The following ROBO2 variants were observed in gnomAD, a reference collection of about 807,000 sequenced individuals.
ROBO2 encodes the protein roundabout guidance receptor 2.
ROBO2 carries 53 observed loss-of-function variants against 160.8 expected under a neutral mutation model. The ratio of observed to expected loss-of-function variants is 0.33; its 90% CI spans 0.26 to 0.41. ROBO2 has a LOEUF of 0.41. Ranked by LOEUF, ROBO2 falls within the 10% of genes least tolerant of loss-of-function variation. The probability of loss-of-function intolerance (pLI) is 1.00; values close to 1 mark genes in which losing one functional copy is unlikely to be tolerated. For missense variants in ROBO2, 1,577 were observed against 1,722.4 expected (o/e 0.92, Z 1.49); for synonymous variants, 664 against 611.7 (o/e 1.09, Z -1.26).
chr3:76,827,498 C>G (rs1456380467), intron 2 of ROBO2, among the ~76,000 whole-genome samples: 1 of 152,102 alleles, frequency 6.6e-6, no homozygotes, highest in Non-Finnish European at 1.5e-5. Context: ...ATTTGAGACT[C>G]TAAAGATGGT....
intron 2 of ROBO2, among the ~76,000 whole-genome samples, chr3:77,309,850 G>C (rs372408218): frequency 2.0e-5 from 3 of 152,258 alleles, no homozygotes; most frequent in Middle Eastern, 3.4e-3. Flanking sequence ...GATTTTTAAA[G>C]CAGTGGTACT....
chr3:76,920,943 T>C (rs1237002399), intron 2 of ROBO2, among the ~76,000 whole-genome samples: 3 of 152,220 alleles, frequency 2.0e-5, no homozygotes, highest in Non-Finnish European at 2.9e-5. Context: ...ACTGTGATTC[T>C]TGGCAAGCAT....
chr3:76,174,465 T>G (rs1256976772), intron 2 of ROBO2, among the ~76,000 whole-genome samples: 1 of 152,202 alleles, frequency 6.6e-6, no homozygotes, highest in Non-Finnish European at 1.5e-5. Context: ...TGGTATTGCC[T>G]AGGTATTCTT....
At chr3:76,541,138 A>C (rs1485170575) in intron 2 of ROBO2, among the ~76,000 whole-genome samples, 1 of 152,208 alleles carries the variant, frequency 6.6e-6, no homozygotes, top group African/African-American at 2.4e-5. Flanking sequence ...ATAATTATCA[A>C]TTAAACGTTA....
At chr3:77,009,293 G>A (rs562434562) in intron 2 of ROBO2, among the ~76,000 whole-genome samples, 6 of 152,104 alleles carry the variant, frequency 3.9e-5, no homozygotes, top group Admixed American at 2.6e-4. Flanking sequence ...ATTGATTGCG[G>A]TTTGCAGTTA....
chr3:76,939,635 T>G (rs1460692529), intron 2 of ROBO2, among the ~76,000 whole-genome samples: 1 of 152,038 alleles, frequency 6.6e-6, no homozygotes, highest in Non-Finnish European at 1.5e-5. Context: ...GTACAAATTA[T>G]TAGCCAGGCG....
intron 2 of ROBO2, among the ~76,000 whole-genome samples, chr3:77,345,912 G>A (rs2153454534): frequency 6.6e-6 from 1 of 152,242 alleles, no homozygotes; most frequent in East Asian, 1.9e-4. Context: ...TAGGTTAAAT[G>A]TTAATTATGC....
chr3:75,945,112 T>C (rs1948225189), intron 2 of ROBO2, among the ~76,000 whole-genome samples: 2 of 152,170 alleles, frequency 1.3e-5, no homozygotes, highest in African/African-American at 4.8e-5. Context: ...GTGTTTACTT[T>C]GGGTCAAGAA....
intron 1 of ROBO2, among the ~76,000 whole-genome samples, chr3:77,076,823 A>C (rs2068058666): frequency 6.6e-6 from 1 of 152,190 alleles, no homozygotes; most frequent in Admixed American, 6.6e-5. Flanking sequence ...TTTAAAAAAT[A>C]AGTCAAAATT....
intron 20 of ROBO2, among the ~76,000 whole-genome samples, chr3:77,605,119 G>A (rs775712): frequency 0.55 from 81,818 of 148,910 alleles, 22,687 homozygotes; most frequent in Middle Eastern, 0.68. Context: ...GGATGTGATC[G>A]CACCACTGCA....
chr3:76,422,041 CA>C (rs1469797485), intron 2 of ROBO2, among the ~76,000 whole-genome samples: 1 of 152,088 alleles, frequency 6.6e-6, no homozygotes, highest in African/African-American at 2.4e-5. Flanking sequence ...CTTCCTTTGC[CA>C]AACTGGGCAA....
intron 2 of ROBO2, among the ~76,000 whole-genome samples, chr3:76,998,902 G>T (rs972235630): frequency 1.3e-5 from 2 of 152,098 alleles, no homozygotes; most frequent in African/African-American, 4.8e-5. Flanking sequence ...CTTTTTAATG[G>T]ATCTTAATAT....
At chr3:76,364,259 TC>T (rs1364484180) in intron 2 of ROBO2, among the ~76,000 whole-genome samples, 1 of 152,050 alleles carries the variant, frequency 6.6e-6, no homozygotes. Flanking sequence ...GACTCCTGAA[TC>T]CAAAATATGA....
intron 1 of ROBO2, among the ~76,000 whole-genome samples, chr3:75,920,442 C>T (rs754774831): frequency 2.0e-5 from 3 of 152,106 alleles, no homozygotes; most frequent in Non-Finnish European, 4.4e-5. Flanking sequence ...GAGTGTTTTA[C>T]TTCCAATTAT....
At chr3:76,299,928 T>A (rs34942332) in intron 2 of ROBO2, among the ~76,000 whole-genome samples, 59,048 of 152,042 alleles carry the variant, frequency 0.39, 13,954 homozygotes, top group South Asian at 0.57. Flanking sequence ...AAAACATAAC[T>A]GAGAGGAGCA....
chr3:77,025,702 G>A (rs1578339798), intron 2 of ROBO2, among the ~76,000 whole-genome samples: 1 of 152,188 alleles, frequency 6.6e-6, no homozygotes, highest in African/African-American at 2.4e-5. Flanking sequence ...CTGGTAGGGT[G>A]CTAATGGAAA....
At chr3:76,729,737 A>G (rs569214067) in intron 2 of ROBO2, among the ~76,000 whole-genome samples, 1 of 151,370 alleles carries the variant, frequency 6.6e-6, no homozygotes, top group South Asian at 2.1e-4. Flanking sequence ...TCCCATGTTC[A>G]AGCAATTCTT....
intron 2 of ROBO2, among the ~76,000 whole-genome samples, chr3:75,975,607 T>A (rs2107399236): frequency 6.6e-6 from 1 of 151,650 alleles, no homozygotes; most frequent in South Asian, 2.1e-4. Context: ...TCAAGTAATA[T>A]GATCCTTGAT....
chr3:77,318,855 C>G lies in ROBO2; in HGVS notation c.389-158559C>G, dbSNP rs150918389. On this transcript the variant is annotated intron_variant, in intron 2 of 25. Transcript: ENST00000461745. ...AAGATGGTTGAAATTTTATATAAAT[C>G]GATGTCAAGGTAATATTATTTATGA... 3.0e-4 allele frequency among the ~76,000 whole-genome samples: 45 copies of G among 152,192 alleles called. 1 individual carries two copies. The highest frequency in any genetic ancestry group is 9.9e-4 in the African/African-American group (41 of 41,516).
Sources: allele counts gnomAD v4.1 joint callset (sites outside exome capture counted in the v4.1 genomes callset), GRCh38; gene constraint gnomAD v4.1.1; transcripts MANE v1.5; gene names NCBI Gene and HGNC (gene_info 2026-07-23, HGNC 2026-07-21).